MB21D2: variants seen among roughly 807,000 people sequenced by gnomAD.
MB21D2 encodes Mab-21 domain containing 2, also known as nucleotidyltransferase MB21D2.
A neutral mutation model predicts 33.3 loss-of-function variants in MB21D2; 9 were observed. That is an observed-to-expected ratio of 0.27 (90% CI 0.16 to 0.47). The LOEUF (loss-of-function observed/expected upper bound fraction) is 0.47, where lower values mean the gene tolerates loss of function less well. Among genes scored for constraint, MB21D2 ranks in the 20% least tolerant of loss-of-function variants. The pLI, the probability that MB21D2 is intolerant of heterozygous loss-of-function variation, is 0.99. For missense variants in MB21D2, 540 were observed against 624.6 expected, an observed-to-expected ratio of 0.86 and a Z score of 1.44; for synonymous variants, 241 against 236.3, an observed-to-expected ratio of 1.02 and a Z score of -0.18.
chr3:192,888,291 C>T (rs1367264932), intron 1 of MB21D2, among the ~76,000 whole-genome samples: 1 of 151,976 alleles, frequency 6.6e-6, no homozygotes, highest in East Asian at 1.9e-4. Flanking sequence ...ATGACTAAGC[C>T]AAAGAAACAC....
chr3:192,803,072 A>G (rs1023546394), intron 1 of MB21D2, among the ~76,000 whole-genome samples: 1 of 152,230 alleles, frequency 6.6e-6, no homozygotes. Context: ...TTTGTCTACA[A>G]AAGTGCCACT....
chr3:192,868,675 A>C (rs1713220668), intron 1 of MB21D2, among the ~76,000 whole-genome samples: 1 of 152,154 alleles, frequency 6.6e-6, no homozygotes, highest in Non-Finnish European at 1.5e-5. Flanking sequence ...TTTTCAATAT[A>C]CCGAGGCTCC....
chr3:192,804,287 T>C (rs1711614147), intron 1 of MB21D2, among the ~76,000 whole-genome samples: 3 of 152,160 alleles, frequency 2.0e-5, no homozygotes, highest in Admixed American at 2.0e-4. Flanking sequence ...AGATTGCTAA[T>C]ACTAGAGCAC....
chr3:192,901,013 T>C (rs1714088083), intron 1 of MB21D2, among the ~76,000 whole-genome samples: 1 of 151,626 alleles, frequency 6.6e-6, no homozygotes, highest in Non-Finnish European at 1.5e-5. Flanking sequence ...GATGGATGTA[T>C]GAATGCTTCA....
chr3:192,911,878 T>C (rs144665396), intron 1 of MB21D2, among the ~76,000 whole-genome samples: 6 of 152,314 alleles, frequency 3.9e-5, no homozygotes, highest in Non-Finnish European at 7.3e-5. Flanking sequence ...GATGATCCTG[T>C]GCACTCTACA....
At chr3:192,899,821 G>GTGTGGTAGTGTGGCTGACTGAGCTCA (rs1714054964) in intron 1 of MB21D2, among the ~76,000 whole-genome samples, 8 of 150,446 alleles carry the variant, frequency 5.3e-5, no homozygotes, top group Non-Finnish European at 1.2e-4. Context: ...TGGGCACCTC[G>GTGTGGTAGTGTGGCTGACTGAGCTCA]TGTGTGGTAG....
chr3:192,880,600 G>A (rs770000523), intron 1 of MB21D2, among the ~76,000 whole-genome samples: 7 of 151,980 alleles, frequency 4.6e-5, no homozygotes, highest in African/African-American at 9.7e-5. Flanking sequence ...GGAAAAGCAC[G>A]GCCTAGGGCG....
chr3:192,829,267 CAATTT>C lies in MB21D2; in HGVS notation c.212-29622_212-29618del, dbSNP rs138578241. Among the ~76,000 whole-genome samples, 1,474 of 152,300 alleles carry C rather than the reference CAATTT, an allele frequency of 9.7e-3. 30 individuals are homozygous for C. The highest frequency in any genetic ancestry group is 0.034 in the African/African-American group (1,407 of 41,552). On this transcript the variant is annotated intron_variant, in intron 1 of 1. Transcript: ENST00000392452. ...TGCTTCTTTTTGTACAGATGTGACA[CAATTT>C]ATTTATCCATTCACCGTTTTCTGGG...
chr3:192,876,830 G>A (rs1713439319), intron 1 of MB21D2, among the ~76,000 whole-genome samples: 1 of 152,046 alleles, frequency 6.6e-6, no homozygotes, highest in South Asian at 2.1e-4. Context: ...GGTCCTTCGG[G>A]CTCCAGCTTT....
At chr3:192,819,715 G>C (rs958574636) in intron 1 of MB21D2, among the ~76,000 whole-genome samples, 8 of 152,186 alleles carry the variant, frequency 5.3e-5, no homozygotes, top group Non-Finnish European at 1.2e-4. Context: ...ACCACTGCTG[G>C]AGTGGTCCCC....
chr3:192,814,655 G>T (rs1711874622), intron 1 of MB21D2, among the ~76,000 whole-genome samples: 1 of 152,064 alleles, frequency 6.6e-6, no homozygotes. Context: ...GAGGTCAGGA[G>T]ATCGAGACCA....
intron 1 of MB21D2, among the ~76,000 whole-genome samples, chr3:192,917,421 G>C (rs1358133935): frequency 6.6e-6 from 1 of 152,202 alleles, no homozygotes; most frequent in Admixed American, 6.5e-5. Context: ...GGGAGACCCG[G>C]CGTAAAGTAT....
At chr3:192,904,832 G>A (rs907033756) in intron 1 of MB21D2, among the ~76,000 whole-genome samples, 2 of 152,176 alleles carry the variant, frequency 1.3e-5, no homozygotes, top group African/African-American at 2.4e-5. Context: ...CTGAGGAGTC[G>A]GCATTTACTG....
chr3:192,824,867 T>C (rs1466353063), intron 1 of MB21D2, among the ~76,000 whole-genome samples: 3 of 152,150 alleles, frequency 2.0e-5, no homozygotes, highest in East Asian at 3.9e-4. Context: ...ATGCCACATA[T>C]AGAAAAGGTG....
intron 1 of MB21D2, among the ~76,000 whole-genome samples, chr3:192,810,282 T>C (rs1711757067): frequency 6.6e-6 from 1 of 152,160 alleles, no homozygotes; most frequent in Admixed American, 6.5e-5. Flanking sequence ...ATGCTCCTTG[T>C]AACAAGCACC....
chr3:192,824,520 TAAATAA>T (rs1712127666), intron 1 of MB21D2, among the ~76,000 whole-genome samples: 1 of 151,414 alleles, frequency 6.6e-6, no homozygotes, highest in Non-Finnish European at 1.5e-5. Flanking sequence ...AATAAATAAA[TAAATAA>T]ATAAAGTTTC....
chr3:192,888,200 C>G (rs1450627825), intron 1 of MB21D2, among the ~76,000 whole-genome samples: 1 of 152,004 alleles, frequency 6.6e-6, no homozygotes, highest in Non-Finnish European at 1.5e-5. Flanking sequence ...TTTATTCCAG[C>G]CTTACACTTA....
At chr3:192,879,779 T>A (rs977644759) in intron 1 of MB21D2, among the ~76,000 whole-genome samples, 12 of 152,232 alleles carry the variant, frequency 7.9e-5, no homozygotes, top group Non-Finnish European at 1.6e-4. Context: ...TAAAATGGAT[T>A]TTTATTGCAG....
intron 1 of MB21D2, among the ~76,000 whole-genome samples, chr3:192,888,340 G>A (rs182121588): frequency 1.3e-5 from 2 of 152,158 alleles, no homozygotes; most frequent in African/African-American, 4.8e-5. Flanking sequence ...GCAAGAGCTG[G>A]GAATCATTAA....
Sources: allele counts gnomAD v4.1 joint callset (sites outside exome capture counted in the v4.1 genomes callset), GRCh38; gene constraint gnomAD v4.1.1; transcripts MANE v1.5; gene names NCBI Gene and HGNC (gene_info 2026-07-23, HGNC 2026-07-21).